The following SYNM variants were observed in gnomAD, a reference collection of about 807,000 sequenced individuals.
SYNM encodes the protein synemin.
In SYNM, 95 loss-of-function variants were observed where a neutral mutation model predicts 104.0. The ratio of observed to expected loss-of-function variants is 0.91; its 90% CI spans 0.77 to 1.08. SYNM has a LOEUF of 1.08. Among genes scored for constraint, SYNM ranks in the 50% least tolerant of loss-of-function variants. The pLI is 0.00. For missense variants in SYNM, 2,150 were observed against 2,052.2 expected (o/e 1.05, Z -0.92); for synonymous variants, 918 against 869.0 (o/e 1.06, Z -0.99).
chr15:99,125,506 G>A (rs1318867731), intron 2 of SYNM, among the ~76,000 whole-genome samples: 8 of 152,254 alleles, frequency 5.3e-5, no homozygotes, highest in African/African-American at 9.6e-5. Context: ...GGGCAGGCCC[G>A]CTGTGTGCGC....
chr15:99,136,582 A>T (rs1555486967), downstream of SYNM: 1 of 152,058 alleles, frequency 6.6e-6, no homozygotes. Flanking sequence ...CTTATAAAGC[A>T]CTAATCCCAT....
downstream of SYNM, chr15:99,137,954 C>A: frequency 6.2e-7 from 1 of 1,608,166 alleles, no homozygotes; most frequent in Non-Finnish European, 8.5e-7. Context: ...GTGATTTGTA[C>A]AGCACCCTAA....
chr15:99,132,339 C>A lies in SYNM; in HGVS notation c.3979C>A (p.His1327Asn). 6.2e-7 allele frequency: 1 copy of A among 1,613,672 alleles called. No individual in the cohort carries two copies. The highest frequency in any genetic ancestry group is 8.5e-7 in the Non-Finnish European group (1 of 1,179,622). ...RHQTTQQIVY[H>N]GLVPQLGESG... ...TCAGACCACCCAGCAGATAGTTTACCATGGGCTGGTTCCCCAACTGGGGGA... is the reference window on the plus strand; with the variant it reads ...TCAGACCACCCAGCAGATAGTTTACAATGGGCTGGTTCCCCAACTGGGGGA... Residue 1327 changes from histidine to asparagine, a missense_variant, in exon 4 of 4, where the codon CAT becomes AAT. Transcript: ENST00000336292.
intron 1 of SYNM, among the ~76,000 whole-genome samples, chr15:99,111,605 G>A (rs1414941198): frequency 2.0e-5 from 3 of 152,160 alleles, no homozygotes; most frequent in Non-Finnish European, 4.4e-5. Flanking sequence ...TGATTTTTAA[G>A]TTTACTTCTT....
chr15:99,126,346 A>C (rs929471418), intron 2 of SYNM, among the ~76,000 whole-genome samples: 1 of 152,208 alleles, frequency 6.6e-6, no homozygotes, highest in South Asian at 2.1e-4. Flanking sequence ...CCTGGGGCCC[A>C]CATCTCTCCA....
At position 99,132,392 on chromosome 15, in the gene SYNM, C is replaced by T. The variant is rs782235052; in HGVS notation, c.4032C>T (p.His1344=). The change falls in exon 4 of 4, where the codon CAC becomes CAT. Residue 1344 remains histidine (H), a synonymous_variant. Transcript: ENST00000336292. The part of the protein sequence containing the change: ...GESGDSESTV[H]GEGSADVHQA... ...CTGGTGACTCAGAGAGCACTGTGCACGGAGAGGGCTCAGCAGATGTGCACC... is the reference window on the plus strand; with the variant it reads ...CTGGTGACTCAGAGAGCACTGTGCATGGAGAGGGCTCAGCAGATGTGCACC... The T allele has an allele frequency of 8.1e-6, 13 of 1,613,976 alleles. No homozygotes were observed. Among genetic ancestry groups the T allele is most frequent in the Admixed American group, 3.3e-5 (2 of 60,022 alleles).
intron 2 of SYNM, among the ~76,000 whole-genome samples, chr15:99,115,291 T>C (rs1247873512): frequency 1.3e-5 from 2 of 152,046 alleles, no homozygotes; most frequent in African/African-American, 4.8e-5. Context: ...GGTGGCAGAT[T>C]AAACCTGGAG....
downstream of SYNM, chr15:99,139,331 C>T (rs370591132): frequency 5.6e-6 from 9 of 1,613,226 alleles, no homozygotes; most frequent in South Asian, 9.9e-5. Flanking sequence ...ACAGCATGCC[C>T]ATGGCCTGCT....
chr15:99,112,985 A>G (rs1490883449), intron 1 of SYNM, among the ~76,000 whole-genome samples: 3 of 152,242 alleles, frequency 2.0e-5, no homozygotes, highest in African/African-American at 7.2e-5. Context: ...TGTTGGGATT[A>G]TAGGTGTGAG....
Position 99,129,874 on chromosome 15 carries a change from C to A in SYNM, c.1514C>A (p.Thr505Lys), listed in dbSNP as rs782617752. 6.2e-7 allele frequency: 1 copy of A among 1,613,046 alleles called. No homozygotes were observed. The highest frequency in any genetic ancestry group is 1.1e-5 in the South Asian group (1 of 90,990). Residue 505 changes from threonine to lysine, a missense_variant, in exon 4 of 4, where the codon ACG becomes AAG. Transcript: ENST00000336292. ...ILGKKTEVKA[T>K]REQERNRPET... ...GGAAAGAAAACAGAAGTGAAAGCCA[C>A]GAGGGAGCAAGAAAGAAACAGACCA...
chr15:99,106,569 C>T (rs1019629860), intron 1 of SYNM, among the ~76,000 whole-genome samples: 4 of 152,250 alleles, frequency 2.6e-5, no homozygotes, highest in Admixed American at 1.3e-4. Flanking sequence ...CAGCAACCCT[C>T]ATGCAGAACA....
At chr15:99,139,765 T>A, downstream of SYNM, 2 of 1,305,786 alleles carry the variant, frequency 1.5e-6, no homozygotes. Context: ...TTTAAAAAAA[T>A]AGTTTTGTTT....
At chr15:99,117,749 A>G (rs1270246234) in intron 2 of SYNM, among the ~76,000 whole-genome samples, 2 of 82,908 alleles carry the variant, frequency 2.4e-5, no homozygotes, top group African/African-American at 9.2e-5. Context: ...TTGGTAGGGT[A>G]TTCACAAGCC....
chr15:99,113,448 G>C (rs1215654208), intron 1 of SYNM, 143 bp from the exon 2 acceptor site: 1 of 1,021,068 alleles, frequency 9.8e-7, no homozygotes, highest in Non-Finnish European at 1.4e-6. Flanking sequence ...GCAAGTGACT[G>C]CATGTTTAAT....
intron 2 of SYNM, among the ~76,000 whole-genome samples, chr15:99,119,702 C>A (rs567081135): frequency 5.3e-5 from 8 of 152,332 alleles, no homozygotes; most frequent in African/African-American, 1.9e-4. Context: ...GCTCTGAACA[C>A]CCGAGATGAG....
chr15:99,132,120 G>C lies in SYNM; in HGVS notation c.3760G>C (p.Glu1254Gln). The change falls in exon 4 of 4, where the codon GAG (glutamate) becomes CAG (glutamine). Residue 1254 changes from glutamate to glutamine, a missense_variant. Glu to Gln is a conservative substitution (Grantham distance 29). Transcript: ENST00000336292. ...GKVGDYFATE[E>Q]SVGTQTSVRQ... ...GGTTGGTGATTATTTTGCAACAGAA[G>C]AGTCAGTGGGTACCCAGACTTCTGT... 2 of 1,614,016 alleles carry C rather than the reference G, an allele frequency of 1.2e-6. No homozygotes were observed. Among genetic ancestry groups the C allele is most frequent in the Non-Finnish European group, 1.7e-6 (2 of 1,179,896 alleles).
At chr15:99,109,243 A>C (rs782734964) in intron 1 of SYNM, among the ~76,000 whole-genome samples, 12 of 152,198 alleles carry the variant, frequency 7.9e-5, no homozygotes, top group Non-Finnish European at 1.5e-4. Flanking sequence ...AGTTTGCTGA[A>C]CTGACATCCA....
In SYNM at chr15:99,129,630, A is replaced by G. The variant is rs782189479; in HGVS notation, c.1270A>G (p.Asn424Asp). 6.2e-6 allele frequency: 10 copies of G among 1,613,854 alleles called. No homozygotes were observed. Among genetic ancestry groups the G allele is most frequent in the Middle Eastern group, 1.6e-4 (1 of 6,084 alleles). Residue 424 changes from asparagine to aspartate, a missense_variant, in exon 4 of 4, where the codon AAC (asparagine) becomes GAC (aspartate). Coordinates refer to ENST00000336292, the MANE Select transcript of SYNM (RefSeq NM_145728.3). ...SYGKAVSSQT[N>D]VRTFSPTYGL... is the part of the protein sequence containing the mutation. ...CGGAAAAGCCGTCAGCAGTCAAACC[A>G]ACGTCAGAACTTTCTCTCCAACCTA...
chr15:99,110,327 C>A (rs550406234), intron 1 of SYNM, among the ~76,000 whole-genome samples: 1 of 152,182 alleles, frequency 6.6e-6, no homozygotes, highest in Non-Finnish European at 1.5e-5. Flanking sequence ...GAGCTACTTC[C>A]GGTACCTCTT....
Sources: gnomAD v4.1 joint callset for allele counts (sites outside exome capture counted in the v4.1 genomes callset) on GRCh38, gnomAD v4.1.1 for gene constraint, MANE v1.5 for transcripts, NCBI Gene and HGNC (gene_info 2026-07-23, HGNC 2026-07-21) for gene names.